CD163L1: variants seen among roughly 807,000 people sequenced by gnomAD.
CD163L1 encodes the protein scavenger receptor cysteine-rich type 1 protein M160.
A neutral mutation model predicts 165.4 loss-of-function variants in CD163L1; 124 were observed. That is an observed-to-expected ratio of 0.75 (90% CI 0.65 to 0.87). The LOEUF (loss-of-function observed/expected upper bound fraction) is 0.87, where lower values mean the gene tolerates loss of function less well. CD163L1 is among the 40% of genes least tolerant of loss of function. The pLI is 0.00. For missense variants in CD163L1, 1,525 were observed against 1,799.9 expected (o/e 0.85, Z 2.76); for synonymous variants, 585 against 662.2 (o/e 0.88, Z 1.79).
chr12:7,373,060 T>C (rs1947176592), intron 14 of CD163L1, among the ~76,000 whole-genome samples: 1 of 152,226 alleles, frequency 6.6e-6, no homozygotes, highest in African/African-American at 2.4e-5. Flanking sequence ...TGTGTTGTTA[T>C]CCTTTTATGT....
Position 7,400,774 on chromosome 12 carries a change from A to ATT in CD163L1, c.1409-2191_1409-2190insAA, listed in dbSNP as rs1180515094. 1.5e-4 allele frequency among the ~76,000 whole-genome samples: 23 copies of ATT among 152,334 alleles called. No individual in the cohort carries two copies. In the Middle Eastern group the frequency reaches 0.014, roughly 90 times the overall value. ...GGAAAAAGTAGCAAGGAATTTTATGAAAAATAAGAATACTTAGGCAATATA... is the reference window on the plus strand; with the variant it reads ...GGAAAAAGTAGCAAGGAATTTTATGATTAAAATAAGAATACTTAGGCAATATA... On this transcript the variant is annotated intron_variant, in intron 6 of 19. Transcript: ENST00000313599. The surrounding 1 kb of genome is among the most constrained non-coding windows in gnomAD (Gnocchi z 4.1).
chr12:7,346,387 C>T (rs1035079971), downstream of CD163L1, among the ~76,000 whole-genome samples: 1 of 151,834 alleles, frequency 6.6e-6, no homozygotes, highest in African/African-American at 2.4e-5. Flanking sequence ...TTCCTACTTT[C>T]TTTATCTTTT....
intron 19 of CD163L1, among the ~76,000 whole-genome samples, chr12:7,356,749 G>C (rs1428133032): frequency 6.6e-6 from 1 of 152,080 alleles, no homozygotes; most frequent in Admixed American, 6.6e-5. Flanking sequence ...TGTTCCTTTT[G>C]TGCTGGATTT....
At chr12:7,428,398 T>A (rs1948578711) in intron 4 of CD163L1, among the ~76,000 whole-genome samples, 1 of 152,098 alleles carries the variant, frequency 6.6e-6, no homozygotes, top group South Asian at 2.1e-4. Context: ...TCCTTGAGGA[T>A]AAAATATGTA....
chr12:7,425,932 C>A (rs995130944), intron 4 of CD163L1, among the ~76,000 whole-genome samples: 23 of 152,076 alleles, frequency 1.5e-4, no homozygotes, highest in Admixed American at 1.5e-3. Flanking sequence ...CCCATCAATC[C>A]CATTACTGGG....
At position 7,396,384 on chromosome 12, in the gene CD163L1, G is replaced by C. The variant is rs926502193; in HGVS notation, c.1761C>G (p.Gly587=). The part of the protein sequence containing the change: ...GDATWGLRLV[G]GSNRCSGRLE... The stretch of plus-strand genomic sequence containing the variant: ...GTCTTCCCGAGCAGCGGTTGCTGCC[G>C]CCCACCAGCCTCAGGCCCCATGTTG... The change falls in exon 8 of 20, where the codon GGC becomes GGG. Residue 587 remains glycine, a synonymous_variant. Coordinates refer to ENST00000313599, the MANE Select transcript of CD163L1 (RefSeq NM_174941.6). 1.2e-6 allele frequency: 2 copies of C among 1,608,786 alleles called. No individual in the cohort carries two copies. The highest frequency in any genetic ancestry group is 3.3e-5 in the Admixed American group (2 of 59,794).
At chr12:7,421,096 T>TAC (rs1173187718) in intron 4 of CD163L1, among the ~76,000 whole-genome samples, 20 of 109,346 alleles carry the variant, frequency 1.8e-4, no homozygotes, top group African/African-American at 8.5e-4. Flanking sequence ...CGTATATATA[T>TAC]GTATATATAC....
downstream of CD163L1, among the ~76,000 whole-genome samples, chr12:7,350,170 T>C (rs1307202783): frequency 2.0e-5 from 3 of 152,162 alleles, no homozygotes; most frequent in Non-Finnish European, 2.9e-5. Context: ...TGCTAAAACA[T>C]GTACCTTTGT....
Position 7,421,502 on chromosome 12 carries a change from C to CAT in CD163L1, c.766+10912_766+10913dup, listed in dbSNP as rs1159076179. Among the ~76,000 whole-genome samples, 488 of 72,524 alleles carry CAT rather than the reference C, an allele frequency of 6.7e-3. 25 individuals are homozygous for CAT. Among genetic ancestry groups the CAT allele is most frequent in the African/African-American group, 0.034 (447 of 13,166 alleles). 47.6% of individuals were successfully genotyped at this position (72,524 alleles called of 152,430 possible). ...ATATGTACATATATACATATATGTA[C>CAT]ATATACATATACATATATGTACATA... is the stretch of plus-strand genomic sequence containing the variant. On this transcript the variant is annotated intron_variant, in intron 4 of 19. Transcript: ENST00000313599.
At chr12:7,411,779 G>A (rs1381336814) in intron 4 of CD163L1, among the ~76,000 whole-genome samples, 1 of 152,134 alleles carries the variant, frequency 6.6e-6, no homozygotes, top group African/African-American at 2.4e-5. Flanking sequence ...CAACCATAGT[G>A]TTTGCATACC....
At chr12:7,396,001 C>T in intron 8 of CD163L1, 94 bp downstream of exon 8, 1 of 934,628 alleles carries the variant, frequency 1.1e-6, no homozygotes, top group East Asian at 2.6e-5. Context: ...GAGCAATGAG[C>T]ACTCGGTCAT....
At chr12:7,326,852 G>A in the CD163L1 span, 4 of 1,070,962 alleles carry the variant, frequency 3.7e-6, no homozygotes, top group Non-Finnish European at 5.2e-6. Flanking sequence ...GTAACCTCTG[G>A]CATTTGCAGT....
intron 2 of CD163L1, chr12:7,438,983 A>G (rs1265771886): frequency 1.2e-5 from 19 of 1,580,428 alleles, no homozygotes; most frequent in Admixed American, 9.0e-5. Flanking sequence ...AGTGTCCTCA[A>G]CCTTTCTCGG....
chr12:7,333,764 CAG>C, the CD163L1 span, among the ~76,000 whole-genome samples: 2 of 151,812 alleles, frequency 1.3e-5, no homozygotes, highest in East Asian at 3.9e-4. Flanking sequence ...AAGAAGAAAA[CAG>C]AGAAGAATCA....
At chr12:7,357,291 AAT>A in intron 19 of CD163L1, 87 bp downstream of exon 19, 1 of 758,362 alleles carries the variant, frequency 1.3e-6, no homozygotes, top group Non-Finnish European at 2.2e-6. Context: ...AATATATGGT[AAT>A]ATAAATATTG....
chr12:7,350,682 T>C (rs1467187727), downstream of CD163L1, among the ~76,000 whole-genome samples: 1 of 152,196 alleles, frequency 6.6e-6, no homozygotes, highest in Non-Finnish European at 1.5e-5. Context: ...GCTTTTCAGC[T>C]GTTTTTATTT....
the CD163L1 span, among the ~76,000 whole-genome samples, chr12:7,339,486 T>C: frequency 2.6e-5 from 4 of 152,254 alleles, no homozygotes; most frequent in Admixed American, 2.6e-4. Context: ...AAAGGCCAGG[T>C]AAGTATTCTT....
At chr12:7,388,128 TG>T (rs1947561107) in intron 8 of CD163L1, among the ~76,000 whole-genome samples, 1 of 151,886 alleles carries the variant, frequency 6.6e-6, no homozygotes, top group Non-Finnish European at 1.5e-5. Flanking sequence ...CAAAGGAAAA[TG>T]GATTAAATAC....
At chr12:7,380,385 GTATA>G (rs1947370312) in intron 8 of CD163L1, among the ~76,000 whole-genome samples, 1 of 141,044 alleles carries the variant, frequency 7.1e-6, no homozygotes, top group Admixed American at 6.8e-5. Context: ...ATGTATGTGT[GTATA>G]TGCGTATACA....
Sources: gnomAD v4.1 joint callset for allele counts (sites outside exome capture counted in the v4.1 genomes callset) on GRCh38, gnomAD v4.1.1 for gene constraint, Gnocchi (gnomAD v3.1) non-coding constraint, MANE v1.5 for transcripts, NCBI Gene and HGNC (gene_info 2026-07-23, HGNC 2026-07-21) for gene names.